The following SLC30A4 variants were observed in gnomAD, a reference collection of about 807,000 sequenced individuals.
The protein encoded by SLC30A4 is solute carrier family 30 member 4.
A neutral mutation model predicts 41.7 loss-of-function variants in SLC30A4; 20 were observed. The ratio of observed to expected loss-of-function variants is 0.48; its 90% confidence interval spans 0.34 to 0.70. SLC30A4 has a LOEUF of 0.70. Among genes scored for constraint, SLC30A4 ranks in the 30% least tolerant of loss-of-function variants. The pLI is 0.01. For synonymous variants in SLC30A4, 181 were observed against 195.9 expected, an observed-to-expected ratio of 0.92 and a Z score of 0.64; for missense variants, 441 against 529.3, an observed-to-expected ratio of 0.83 and a Z score of 1.64.
chr15:45,487,957 A>G (rs1891738011), intron 5 of SLC30A4, among the ~76,000 whole-genome samples: 4 of 81,742 alleles, frequency 4.9e-5, no homozygotes, highest in African/African-American at 1.9e-4. Context: ...AAAGCTGGAA[A>G]AAAGTGTGTG....
chr15:45,500,369 T>G (rs1891994369), intron 3 of SLC30A4, among the ~76,000 whole-genome samples: 1 of 152,314 alleles, frequency 6.6e-6, no homozygotes, highest in Middle Eastern at 3.4e-3. Context: ...AAGAAGAAAC[T>G]TCTAGTTCAA....
intron 3 of SLC30A4, among the ~76,000 whole-genome samples, chr15:45,495,762 T>A (rs572358759): frequency 6.6e-6 from 1 of 152,290 alleles, no homozygotes; most frequent in African/African-American, 2.4e-5. Context: ...ATGCCACAGT[T>A]TTCACTCACA....
intron 3 of SLC30A4, among the ~76,000 whole-genome samples, chr15:45,500,608 G>GGGTC (rs1452125521): frequency 7.9e-5 from 11 of 138,926 alleles, no homozygotes; most frequent in Admixed American, 5.5e-4. Flanking sequence ...GCTATGTTAA[G>GGGTC]GGTCTGTCTA....
intron 2 of SLC30A4, among the ~76,000 whole-genome samples, chr15:45,513,486 C>CA (rs34481795): frequency 6.4e-4 from 83 of 130,016 alleles, no homozygotes; most frequent in Admixed American, 1.8e-3. Context: ...TGACATCAGC[C>CA]AAAAAAAAAA....
In SLC30A4 at chr15:45,487,639, G is replaced by A; in HGVS notation, c.895-7C>T. On this transcript the variant is annotated splice_polypyrimidine_tract_variant and splice_region_variant and intron_variant, in intron 5 of 7. Transcript: ENST00000261867. ...CAGCAATCTTGTATTCTGGCTAAAG[G>A]GTAATAGATCAAAATTTATGATTAA... The A allele has an allele frequency of 1.5e-6, 2 of 1,318,316 alleles. No homozygotes were observed. The highest frequency in any genetic ancestry group is 2.2e-6 in the Non-Finnish European group (2 of 916,430). The allele number at this position is 1,318,316 out of a possible 1,614,324, so 81.7% of individuals were successfully genotyped here.
chr15:45,516,889 C>G (rs1205842847), intron 2 of SLC30A4, among the ~76,000 whole-genome samples: 1 of 151,884 alleles, frequency 6.6e-6, no homozygotes, highest in Non-Finnish European at 1.5e-5. Flanking sequence ...TGCACTCCAG[C>G]CTGGGTGACA....
intron 3 of SLC30A4, among the ~76,000 whole-genome samples, chr15:45,494,587 A>C (rs1891874160): frequency 6.6e-6 from 1 of 152,204 alleles, no homozygotes; most frequent in East Asian, 1.9e-4. Flanking sequence ...CAGGAGGCTG[A>C]GGCACAAGAA....
chr15:45,497,443 C>A (rs1227559713), intron 3 of SLC30A4, among the ~76,000 whole-genome samples: 2 of 152,118 alleles, frequency 1.3e-5, no homozygotes, highest in Admixed American at 6.5e-5. Context: ...CTTGGCTGAA[C>A]TGGAGCATGA....
rs538584089 is a variant in SLC30A4, at chr15:45,511,220, G to A, written c.456C>T (p.Ser152=). 2.3e-5 allele frequency: 37 copies of A among 1,612,772 alleles called. No homozygotes were observed. In the East Asian group the frequency reaches 4.5e-4, roughly 19 times the overall value. The change falls in exon 3 of 8, where the codon AGC becomes AGT. Residue 152 remains serine (S), a synonymous_variant. Coordinates refer to ENST00000261867, the MANE Select transcript of SLC30A4 (RefSeq NM_013309.6). ...AAGCAAGCAGGGTGAGTATGATGGC[G>A]CTTAGGTCAGTTAACATATGAAGTG... The part of the protein sequence containing the change: ...TDALHMLTDL[S]AIILTLLALW...
intron 7 of SLC30A4, 63 bp from the exon 8 acceptor site, chr15:45,485,380 G>T: frequency 3.5e-6 from 4 of 1,147,994 alleles, no homozygotes; most frequent in South Asian, 1.5e-5. Context: ...TAAGATACAG[G>T]GAAAAAAACA....
At chr15:45,493,469 A>G (rs1293424696) in intron 3 of SLC30A4, among the ~76,000 whole-genome samples, 4 of 152,178 alleles carry the variant, frequency 2.6e-5, no homozygotes, top group Non-Finnish European at 4.4e-5. Context: ...TTTATAAATT[A>G]TAACACAAAA....
rs769954421 is a variant in SLC30A4, at chr15:45,485,261, A to G, written c.1192T>C (p.Leu398=). 1.2e-5 allele frequency: 20 copies of G among 1,612,210 alleles called. No individual in the cohort carries two copies. Among genetic ancestry groups the G allele is most frequent in the South Asian group, 3.3e-5 (3 of 90,912 alleles). Residue 398 remains leucine (L), a synonymous_variant, in exon 8 of 8, where the codon TTG becomes CTG. Transcript: ENST00000261867. Reference sequence around the variant, plus strand: ...CATCTATACATGCCAAATGTGTTCAATAATAAATGGTTTGCTTTGGACTGT... The same window carrying G: ...CATCTATACATGCCAAATGTGTTCAGTAATAAATGGTTTGCTTTGGACTGT... ...EVQSKANHLL[L]NTFGMYRCTI...
intron 3 of SLC30A4, among the ~76,000 whole-genome samples, chr15:45,493,150 T>A (rs1296656250): frequency 6.6e-6 from 1 of 152,150 alleles, no homozygotes; most frequent in Non-Finnish European, 1.5e-5. Flanking sequence ...TGGGTGCCTG[T>A]AATCCCAACT....
At chr15:45,520,922 C>A in intron 2 of SLC30A4, 2 of 402,196 alleles carry the variant, frequency 5.0e-6, no homozygotes, top group Admixed American at 3.8e-5. Context: ...AAGGACCAGC[C>A]ACTTTGAACG....
chr15:45,479,614 A>G lies in SLC30A4; in HGVS notation c.*5549T>C, dbSNP rs767983894. On this transcript the variant is annotated 3_prime_UTR_variant, in exon 8 of 8. Coordinates refer to ENST00000261867, the MANE Select transcript of SLC30A4 (RefSeq NM_013309.6). ...TTAATCTTTCCATACTATCCAGAAG[A>G]TTTTTTTCAGTTTTATTTCTTAAAC... 1.3e-5 allele frequency: 2 copies of G among 152,072 alleles called. No homozygotes were observed. The highest frequency in any genetic ancestry group is 2.9e-5 in the Non-Finnish European group (2 of 68,032). The allele number at this position is 152,072 out of a possible 1,614,324, so 9.4% of individuals were successfully genotyped here.
At position 45,496,285 on chromosome 15, in the gene SLC30A4, G is replaced by T. The variant is rs8034957; in HGVS notation, c.539-5404C>A. Among the ~76,000 whole-genome samples the T allele has an allele frequency of 7.0e-3, 1,064 of 152,222 alleles. 11 individuals carry two copies. The highest frequency in any genetic ancestry group is 0.025 in the African/African-American group (1,025 of 41,544). ...CATAATATTCTTAACATGATGGAAT[G>T]CAGATAAAAACGGGCAAGATTCCGC... is the stretch of plus-strand genomic sequence containing the variant. On this transcript the variant is annotated intron_variant, in intron 3 of 7. Transcript: ENST00000261867.
At chr15:45,486,074 C>T (rs1007457769) in intron 7 of SLC30A4, among the ~76,000 whole-genome samples, 2 of 151,122 alleles carry the variant, frequency 1.3e-5, no homozygotes, top group Non-Finnish European at 2.9e-5. Flanking sequence ...CCAGACTAGA[C>T]TGCAGTGGCG....
intron 2 of SLC30A4, among the ~76,000 whole-genome samples, chr15:45,515,174 A>G (rs368826975): frequency 1.3e-5 from 2 of 150,308 alleles, no homozygotes; most frequent in African/African-American, 4.9e-5. Flanking sequence ...GGAGCATGAC[A>G]CCGTGCTTGG....
chr15:45,488,464 T>C (rs1891748942), intron 5 of SLC30A4, among the ~76,000 whole-genome samples: 1 of 152,064 alleles, frequency 6.6e-6, no homozygotes, highest in Admixed American at 6.6e-5. Flanking sequence ...TCCCAGCTAC[T>C]TGGGAGGCTG....
Sources: gnomAD v4.1 joint callset for allele counts (sites outside exome capture counted in the v4.1 genomes callset) on GRCh38, gnomAD v4.1.1 for gene constraint, MANE v1.5 for transcripts, NCBI Gene and HGNC (gene_info 2026-07-23, HGNC 2026-07-21) for gene names.